Variants in FBXL17 observed in about 807,000 individuals in gnomAD.
The protein encoded by FBXL17 is F-box and leucine rich repeat protein 17.
A neutral mutation model predicts 66.2 loss-of-function variants in FBXL17; 22 were observed. The ratio of observed to expected loss-of-function variants is 0.33; its 90% CI spans 0.24 to 0.47. The LOEUF (loss-of-function observed/expected upper bound fraction) is 0.47, where lower values mean the gene tolerates loss of function less well. Ranked by LOEUF, FBXL17 falls within the 20% of genes least tolerant of loss-of-function variation. The pLI is 1.00. For missense variants in FBXL17, 878 were observed against 948.2 expected, an observed-to-expected ratio of 0.93 and a Z score of 0.97; for synonymous variants, 474 against 400.5, an observed-to-expected ratio of 1.18 and a Z score of -2.19.
At chr5:107,953,531 T>C (rs939394554) in intron 7 of FBXL17, among the ~76,000 whole-genome samples, 1 of 152,088 alleles carries the variant, frequency 6.6e-6, no homozygotes, top group African/African-American at 2.4e-5. Context: ...TGCTGCTCTC[T>C]ATCATACAAT....
intron 7 of FBXL17, among the ~76,000 whole-genome samples, chr5:107,954,360 A>T (rs190265063): frequency 1.6e-4 from 25 of 152,364 alleles, no homozygotes; most frequent in Admixed American, 9.1e-4. Context: ...ATAATTTAAA[A>T]TAGCAATGAC....
chr5:108,251,047 C>G (rs1756328008), intron 4 of FBXL17, among the ~76,000 whole-genome samples: 2 of 152,004 alleles, frequency 1.3e-5, no homozygotes, highest in South Asian at 4.1e-4. Context: ...AATACTTCAA[C>G]AAATATCCTT....
intron 7 of FBXL17, among the ~76,000 whole-genome samples, chr5:107,977,892 C>G (rs1273059962): frequency 2.0e-5 from 3 of 152,132 alleles, no homozygotes; most frequent in African/African-American, 7.2e-5. Flanking sequence ...AAGTGAAAGG[C>G]AGAAATCAGC....
At chr5:108,170,265 G>A (rs920319898) in intron 6 of FBXL17, among the ~76,000 whole-genome samples, 1 of 152,102 alleles carries the variant, frequency 6.6e-6, no homozygotes, top group East Asian at 1.9e-4. Flanking sequence ...AAATCATGGA[G>A]GAAATGCTCC....
At chr5:108,156,444 T>C (rs897283837) in intron 6 of FBXL17, among the ~76,000 whole-genome samples, 3 of 152,004 alleles carry the variant, frequency 2.0e-5, no homozygotes, top group Non-Finnish European at 2.9e-5. Context: ...GGGTTGTAAC[T>C]ACATAATCCT....
chr5:107,880,642 T>C, intron 8 of FBXL17: 2 of 1,167,904 alleles, frequency 1.7e-6, no homozygotes, highest in Non-Finnish European at 2.1e-6. Context: ...AATTTGGCAC[T>C]GTTCTTTCCA....
chr5:107,919,066 CA>C (rs1750225966), intron 7 of FBXL17, among the ~76,000 whole-genome samples: 2 of 151,974 alleles, frequency 1.3e-5, no homozygotes, highest in African/African-American at 4.8e-5. Context: ...GTTTACTTTA[CA>C]AAAAATATTA....
At chr5:108,312,328 T>C (rs550570729) in intron 4 of FBXL17, among the ~76,000 whole-genome samples, 1 of 152,276 alleles carries the variant, frequency 6.6e-6, no homozygotes, top group African/African-American at 2.4e-5. Flanking sequence ...CTAATTTCCA[T>C]GTAGAAAGCA....
intron 8 of FBXL17, chr5:107,879,941 C>G (rs1486168888): frequency 2.0e-6 from 2 of 979,648 alleles, no homozygotes; most frequent in Admixed American, 1.2e-4. Flanking sequence ...GGGCCACTGA[C>G]TGGTCTTTCT....
intron 4 of FBXL17, among the ~76,000 whole-genome samples, chr5:108,271,025 A>G (rs551818413): frequency 2.6e-5 from 4 of 151,940 alleles, no homozygotes; most frequent in Non-Finnish European, 4.4e-5. Context: ...CTTTCCCAAT[A>G]ATTACATCCA....
chr5:107,894,141 T>C (rs1229975450), intron 7 of FBXL17, among the ~76,000 whole-genome samples: 1 of 152,166 alleles, frequency 6.6e-6, no homozygotes, highest in African/African-American at 2.4e-5. Flanking sequence ...CTAATAAACT[T>C]TTACTTACAG....
chr5:107,937,843 C>A (rs1432081292), intron 7 of FBXL17, among the ~76,000 whole-genome samples: 1 of 152,116 alleles, frequency 6.6e-6, no homozygotes, highest in African/African-American at 2.4e-5. Flanking sequence ...GGCATACTGA[C>A]TGACAGAGTA....
chr5:108,101,634 G>A (rs538003348), intron 6 of FBXL17, among the ~76,000 whole-genome samples: 1 of 152,310 alleles, frequency 6.6e-6, no homozygotes, highest in African/African-American at 2.4e-5. Context: ...ACAAAAAGAG[G>A]AGAAAATGTT....
chr5:108,333,154 A>ATAT (rs1458525220), intron 4 of FBXL17, among the ~76,000 whole-genome samples: 3 of 148,068 alleles, frequency 2.0e-5, no homozygotes, highest in Non-Finnish European at 4.5e-5. Flanking sequence ...ACCAGTATAT[A>ATAT]TATATATATA....
At chr5:108,341,854 C>T (rs947815458) in intron 4 of FBXL17, among the ~76,000 whole-genome samples, 2 of 152,016 alleles carry the variant, frequency 1.3e-5, no homozygotes, top group Non-Finnish European at 2.9e-5. Flanking sequence ...ATTACCTTAC[C>T]CTAAAATATG....
intron 7 of FBXL17, among the ~76,000 whole-genome samples, chr5:107,952,475 T>C (rs1041776942): frequency 2.6e-5 from 4 of 152,234 alleles, no homozygotes; most frequent in African/African-American, 9.6e-5. Context: ...TATAATTGTT[T>C]CTTATTAAAG....
intron 6 of FBXL17, among the ~76,000 whole-genome samples, chr5:108,154,624 C>CACAT (rs1751909517): frequency 1.1e-5 from 1 of 93,642 alleles, no homozygotes; most frequent in East Asian, 4.0e-4. Flanking sequence ...TATACACACA[C>CACAT]ACACACACAC....
intron 7 of FBXL17, among the ~76,000 whole-genome samples, chr5:107,975,185 C>A (rs532669912): frequency 6.6e-6 from 1 of 152,044 alleles, no homozygotes; most frequent in Admixed American, 6.6e-5. Context: ...TAAATATGCT[C>A]GGATATGTCT....
chr5:108,206,818 G>C (rs548411210), intron 5 of FBXL17, among the ~76,000 whole-genome samples: 2 of 152,226 alleles, frequency 1.3e-5, no homozygotes, highest in African/African-American at 4.8e-5. Flanking sequence ...TTCTAATAAA[G>C]CTGCTATATG....
Sources: gnomAD v4.1 joint callset for allele counts (sites outside exome capture counted in the v4.1 genomes callset) on GRCh38, gnomAD v4.1.1 for gene constraint, MANE v1.5 for transcripts, NCBI Gene and HGNC (gene_info 2026-07-23, HGNC 2026-07-21) for gene names.